Variants in RAB17 observed in about 807,000 individuals in gnomAD.
The protein encoded by RAB17 is ras-related protein Rab-17.
Under a neutral mutation model 19.3 loss-of-function variants are expected in RAB17, and 15 were observed. That is an observed-to-expected ratio of 0.78 (90% CI 0.52 to 1.20). The LOEUF (loss-of-function observed/expected upper bound fraction) is 1.20. Among genes scored for constraint, RAB17 ranks in the 50% most tolerant of loss-of-function variants. The pLI is 0.00. For missense variants in RAB17, 262 were observed against 269.3 expected (o/e 0.97, Z 0.19); for synonymous variants, 110 against 112.8 (o/e 0.97, Z 0.16).
intron 2 of RAB17, among the ~76,000 whole-genome samples, chr2:237,582,998 A>T (rs1029805292): frequency 2.6e-5 from 4 of 152,240 alleles, no homozygotes; most frequent in African/African-American, 4.8e-5. Context: ...GCCACTCGGG[A>T]GGCTGAGGCA....
intron 4 of RAB17, chr2:237,576,483 C>T: frequency 2.3e-6 from 1 of 437,352 alleles, no homozygotes; most frequent in Non-Finnish European, 4.8e-6. Flanking sequence ...TCTCCCTTTG[C>T]TCCCCTTGCT....
At chr2:237,575,775 G>A in intron 4 of RAB17, 1 of 410,716 alleles carries the variant, frequency 2.4e-6, no homozygotes, top group Non-Finnish European at 4.4e-6. Flanking sequence ...CATGCCTGTT[G>A]GCACCTGTGG....
intron 2 of RAB17, among the ~76,000 whole-genome samples, chr2:237,581,030 C>A (rs1191604727): frequency 1.3e-5 from 2 of 152,186 alleles, no homozygotes; most frequent in African/African-American, 4.8e-5. Flanking sequence ...ATTATCATAA[C>A]CTTTTTCAGA....
chr2:237,577,424 G>T (rs2081274467), intron 3 of RAB17, 42 bp from the exon 4 acceptor site: 6 of 1,570,784 alleles, frequency 3.8e-6, no homozygotes, highest in Non-Finnish European at 5.2e-6. Context: ...AAAACTTATA[G>T]GTGGTCATTA....
intron 2 of RAB17, chr2:237,578,776 G>A: frequency 6.6e-6 from 1 of 152,556 alleles, no homozygotes; most frequent in Non-Finnish European, 1.5e-5. Context: ...GGGCTGCTGG[G>A]CCCCCTGCCT....
chr2:237,580,170 C>G (rs1046647309), intron 2 of RAB17, among the ~76,000 whole-genome samples: 1 of 152,220 alleles, frequency 6.6e-6, no homozygotes, highest in Non-Finnish European at 1.5e-5. Flanking sequence ...GTGCCCTTCA[C>G]CCAGGGTGGC....
chr2:237,585,320 G>T (rs529871484), intron 2 of RAB17: 1 of 168,268 alleles, frequency 5.9e-6, no homozygotes, highest in Non-Finnish European at 1.5e-5. Flanking sequence ...TAAAGAACAC[G>T]CTGGCTTTCC....
chr2:237,576,098 T>C (rs1371065550), intron 4 of RAB17, among the ~76,000 whole-genome samples: 1 of 152,182 alleles, frequency 6.6e-6, no homozygotes, highest in Non-Finnish European at 1.5e-5. Context: ...GAGGAGCCTG[T>C]GGTGGATCCC....
At chr2:237,578,555 C>A (rs2081284339) in intron 2 of RAB17, 1 of 170,792 alleles carries the variant, frequency 5.9e-6, no homozygotes, top group Admixed American at 5.5e-5. Flanking sequence ...CCTACCGGCC[C>A]CTCGCCTGCC....
At position 237,582,054 on chromosome 2, in the gene RAB17, G is replaced by A. The variant is rs114651392; in HGVS notation, c.158-3899C>T. ...TGCCACCTCCGCAGCAGGCCCTGGC[G>A]GGGGTGGGCGGGAGGCTGCGCTCAC... On this transcript the variant is annotated intron_variant, in intron 2 of 5. Transcript: ENST00000264601. Among the ~76,000 whole-genome samples the A allele has an allele frequency of 7.3e-3, 1,109 of 152,376 alleles. 23 individuals carry two copies. The highest frequency in any genetic ancestry group is 0.025 in the African/African-American group (1,033 of 41,592).
intron 2 of RAB17, among the ~76,000 whole-genome samples, chr2:237,580,971 C>A (rs1025908032): frequency 9.9e-5 from 15 of 152,214 alleles, no homozygotes; most frequent in African/African-American, 3.6e-4. Context: ...TTTGAGGCAA[C>A]CTAGTCTCGT....
rs531958753 is a variant in RAB17, at chr2:237,587,196, G to A, written c.-3-1039C>T. Among the ~76,000 whole-genome samples, 4 of 152,380 alleles carry A rather than the reference G, an allele frequency of 2.6e-5. No homozygotes were observed. The South Asian group carries it at 8.3e-4, about 32-fold the overall frequency. On this transcript the variant is annotated intron_variant, in intron 1 of 5. Transcript: ENST00000264601. The stretch of plus-strand genomic sequence containing the variant: ...CAGTTGTCTTTCTGTGATGTTGGCA[G>A]TCACTGAAGACTATTACTTCGACCC...
chr2:237,581,591 C>T (rs1417584679), intron 2 of RAB17, among the ~76,000 whole-genome samples: 2 of 152,052 alleles, frequency 1.3e-5, no homozygotes, highest in African/African-American at 4.8e-5. Flanking sequence ...AGTGGTTTTG[C>T]TTTTTTTACC....
In RAB17 at chr2:237,574,401, G is replaced by C. The variant is rs1047791; in HGVS notation, c.*618C>G. 2 of 1,537,430 alleles carry C rather than the reference G, an allele frequency of 1.3e-6. No individual in the cohort carries two copies. The highest frequency in any genetic ancestry group is 1.4e-5 in the African/African-American group (1 of 72,628). On this transcript the variant is annotated 3_prime_UTR_variant, in exon 6 of 6. Transcript: ENST00000264601. ...CTTATATCTCAGGCGAAATGTCTCA[G>C]AATCTTCCTGCTCATTGGACAGAAA... is the stretch of plus-strand genomic sequence containing the variant.
At position 237,574,331 on chromosome 2, in the gene RAB17, A is replaced by G. The variant is rs2081243569; in HGVS notation, c.*688T>C. 7.0e-7 allele frequency: 1 copy of G among 1,436,784 alleles called. No homozygotes were observed. Among genetic ancestry groups the G allele is most frequent in the Non-Finnish European group, 9.1e-7 (1 of 1,096,228 alleles). The allele number at this position is 1,436,784 out of a possible 1,614,324, so 89.0% of individuals were successfully genotyped here. On this transcript the variant is annotated 3_prime_UTR_variant, in exon 6 of 6. Coordinates refer to ENST00000264601, the MANE Select transcript of RAB17 (RefSeq NM_022449.4). The stretch of plus-strand genomic sequence containing the variant: ...AAAAACTTCTAAAAGCCAGATTGTC[A>G]AAAGCAATTTAATTTTTGGAGGAAA...
chr2:237,576,992 T>C (rs377544512), intron 4 of RAB17, among the ~76,000 whole-genome samples: 1 of 152,098 alleles, frequency 6.6e-6, no homozygotes, highest in Admixed American at 6.5e-5. Flanking sequence ...AATCTTTGAC[T>C]AAAAGAGAAA....
chr2:237,574,863 T>A lies in RAB17; in HGVS notation c.*156A>T. The A allele has an allele frequency of 1.2e-6, 1 of 803,316 alleles. No individual in the cohort carries two copies. Among genetic ancestry groups the A allele is most frequent in the Non-Finnish European group, 1.9e-6 (1 of 535,952 alleles). 49.8% of individuals were successfully genotyped at this position (803,316 alleles called of 1,614,324 possible). A position where few individuals can be genotyped will look rare whatever the true frequency, so the allele number is the denominator to read the frequency against. On this transcript the variant is annotated 3_prime_UTR_variant, in exon 6 of 6. Coordinates refer to ENST00000264601, the MANE Select transcript of RAB17 (RefSeq NM_022449.4). ...CAGATCTTCCTCTGGCAGTTCCCAC[T>A]GGCTGTGGGAAGTGGTTTTCATAAA... is the stretch of plus-strand genomic sequence containing the variant.
rs779553066 is a variant in RAB17 at position 237,575,140 on chromosome 2, A to G, written c.530-12T>C. 1.2e-6 allele frequency: 2 copies of G among 1,606,820 alleles called. No individual in the cohort carries two copies. Among genetic ancestry groups the G allele is most frequent in the East Asian group, 4.5e-5 (2 of 44,818 alleles). On this transcript the variant is annotated splice_polypyrimidine_tract_variant and intron_variant, in intron 5 of 5. Transcript: ENST00000264601. ...CAGTAGCTCTTGGGCTGTGAACAGC[A>G]AGAGGAGGGGGCTGGCTAGGGAGGG...
chr2:237,585,858 T>C, intron 2 of RAB17, 140 bp downstream of exon 2: 1 of 827,210 alleles, frequency 1.2e-6, no homozygotes, highest in Non-Finnish European at 1.8e-6. Flanking sequence ...CCCCCTCCCC[T>C]CACGCACTGG....
Sources: allele counts gnomAD v4.1 joint callset (sites outside exome capture counted in the v4.1 genomes callset), GRCh38; gene constraint gnomAD v4.1.1; transcripts MANE v1.5; gene names NCBI Gene and HGNC (gene_info 2026-07-23, HGNC 2026-07-21).